The following PRDM16 variants were observed in gnomAD, a reference collection of about 807,000 sequenced individuals.
The protein encoded by PRDM16 is histone-lysine N-methyltransferase PRDM16.
Under a neutral mutation model 110.6 loss-of-function variants are expected in PRDM16, and 23 were observed. That is an observed-to-expected ratio of 0.21 (90% CI 0.15 to 0.29). The LOEUF (loss-of-function observed/expected upper bound fraction) is 0.29, where lower values mean the gene tolerates loss of function less well. PRDM16 is among the 10% of genes least tolerant of loss of function. PRDM16 has a pLI of 1.00. For missense variants in PRDM16, 1,615 were observed against 1,794.3 expected, an observed-to-expected ratio of 0.90 and a Z score of 1.81; for synonymous variants, 799 against 781.8, an observed-to-expected ratio of 1.02 and a Z score of -0.37.
At chr1:3,374,202 G>A (rs1296043722) in intron 3 of PRDM16, among the ~76,000 whole-genome samples, 4 of 152,120 alleles carry the variant, frequency 2.6e-5, no homozygotes, top group African/African-American at 4.8e-5. Flanking sequence ...CCCCTGCCCC[G>A]AAACCAGCAC....
intron 3 of PRDM16, among the ~76,000 whole-genome samples, chr1:3,320,834 G>A (rs986687493): frequency 6.6e-6 from 1 of 152,232 alleles, no homozygotes; most frequent in Admixed American, 6.5e-5. Context: ...CTCAGCTGGG[G>A]CTCCAGCCAA....
intron 3 of PRDM16, among the ~76,000 whole-genome samples, chr1:3,247,052 C>T (rs1176274696): frequency 2.6e-5 from 4 of 152,086 alleles, no homozygotes. Flanking sequence ...TACAGTCCTT[C>T]CTTATAGGAT....
intron 1 of PRDM16, among the ~76,000 whole-genome samples, chr1:3,104,208 A>C (rs1642595170): frequency 6.6e-6 from 1 of 152,090 alleles, no homozygotes; most frequent in Admixed American, 6.5e-5. Flanking sequence ...CCTTTTCAGA[A>C]CTCCAGCTCC....
intron 3 of PRDM16, among the ~76,000 whole-genome samples, chr1:3,272,329 G>A (rs1414209709): frequency 6.6e-6 from 1 of 152,172 alleles, no homozygotes; most frequent in African/African-American, 2.4e-5. Flanking sequence ...CTCTCCGTGG[G>A]GGCTCTTTAG....
At chr1:3,282,805 G>A (rs1372716103) in intron 3 of PRDM16, among the ~76,000 whole-genome samples, 1 of 152,202 alleles carries the variant, frequency 6.6e-6, no homozygotes, top group African/African-American at 2.4e-5. Context: ...GGACACAGGA[G>A]GCAGCCGTGG....
intron 3 of PRDM16, among the ~76,000 whole-genome samples, chr1:3,349,339 G>A (rs1444488274): frequency 6.6e-6 from 1 of 152,206 alleles, no homozygotes; most frequent in Non-Finnish European, 1.5e-5. Context: ...AGGGGCTTTG[G>A]AAAGGTGCTG....
chr1:3,196,649 A>G (rs545809973), intron 2 of PRDM16, among the ~76,000 whole-genome samples: 1 of 152,262 alleles, frequency 6.6e-6, no homozygotes, highest in East Asian at 1.9e-4. Context: ...CCCCCACCCA[A>G]TTCCAGGCCA....
intron 3 of PRDM16, among the ~76,000 whole-genome samples, chr1:3,364,776 G>A (rs543376383): frequency 6.6e-6 from 1 of 152,344 alleles, no homozygotes; most frequent in South Asian, 2.1e-4. Context: ...AGGCCCAGAG[G>A]CCCAACATGG....
chr1:3,342,903 C>T (rs1286801588), intron 3 of PRDM16, among the ~76,000 whole-genome samples: 5 of 152,168 alleles, frequency 3.3e-5, no homozygotes, highest in South Asian at 2.1e-4. Flanking sequence ...TAGGCATGGG[C>T]GTTTTGGGTT....
chr1:3,428,968 G>A (rs1638693372), intron 14 of PRDM16, among the ~76,000 whole-genome samples: 1 of 152,232 alleles, frequency 6.6e-6, no homozygotes, highest in South Asian at 2.1e-4. Flanking sequence ...AGGGTGATGC[G>A]CCTCCCAGCC....
intron 3 of PRDM16, among the ~76,000 whole-genome samples, chr1:3,337,242 T>C (rs1010420179): frequency 6.6e-6 from 1 of 152,126 alleles, no homozygotes; most frequent in East Asian, 1.9e-4. Flanking sequence ...TGTGTGTTGG[T>C]GTGAGTCTGT....
chr1:3,316,382 C>T (rs1641601607), intron 3 of PRDM16, among the ~76,000 whole-genome samples: 1 of 152,198 alleles, frequency 6.6e-6, no homozygotes, highest in Non-Finnish European at 1.5e-5. Flanking sequence ...TACGGGACCC[C>T]CGGTCTCAGT....
intron 1 of PRDM16, among the ~76,000 whole-genome samples, chr1:3,095,981 C>T (rs1359699952): frequency 6.6e-6 from 1 of 152,112 alleles, no homozygotes; most frequent in Non-Finnish European, 1.5e-5. Context: ...TGTCTCTCCT[C>T]CTCCAAACGG....
chr1:3,195,011 C>T (rs965297934), intron 2 of PRDM16, among the ~76,000 whole-genome samples: 3 of 152,218 alleles, frequency 2.0e-5, no homozygotes, highest in East Asian at 3.9e-4. Context: ...TCTATGGAGG[C>T]CTCACGTCTA....
intron 3 of PRDM16, among the ~76,000 whole-genome samples, chr1:3,261,283 G>A (rs187321448): frequency 2.0e-5 from 3 of 152,232 alleles, no homozygotes; most frequent in East Asian, 1.9e-4. Flanking sequence ...ATTGTGAGCC[G>A]CGAATTACTT....
At chr1:3,369,554 C>T (rs1642874709) in intron 3 of PRDM16, among the ~76,000 whole-genome samples, 1 of 152,214 alleles carries the variant, frequency 6.6e-6, no homozygotes, top group Admixed American at 6.5e-5. Flanking sequence ...TGGGCTGATT[C>T]GTTCCAGTTC....
chr1:3,185,838 C>T (rs1644260746), intron 1 of PRDM16, among the ~76,000 whole-genome samples: 1 of 152,216 alleles, frequency 6.6e-6, no homozygotes, highest in Admixed American at 6.5e-5. Context: ...CTGTGGGAGC[C>T]AGGGTGGGTG....
intron 16 of PRDM16, among the ~76,000 whole-genome samples, chr1:3,432,795 C>T (rs12081087): frequency 6.6e-6 from 1 of 152,172 alleles, no homozygotes; most frequent in African/African-American, 2.4e-5. Context: ...AGTGTTAACT[C>T]GGGTAGGACA....
chr1:3,239,596 T>C (rs138456912), intron 2 of PRDM16, among the ~76,000 whole-genome samples: 157 of 152,312 alleles, frequency 1.0e-3, no homozygotes, highest in African/African-American at 3.4e-3. Context: ...TAGCAGGTTC[T>C]AGACTCAGAC....
Sources: gnomAD v4.1 joint callset for allele counts (sites outside exome capture counted in the v4.1 genomes callset) on GRCh38, gnomAD v4.1.1 for gene constraint, MANE v1.5 for transcripts, NCBI Gene and HGNC (gene_info 2026-07-23, HGNC 2026-07-21) for gene names.